SLC25A37: variants seen among roughly 807,000 people sequenced by gnomAD.
The protein encoded by SLC25A37 is solute carrier family 25 member 37.
In SLC25A37, 17 loss-of-function variants were observed where a neutral mutation model predicts 31.0. The observed-to-expected ratio is 0.55, with a 90% CI of 0.38 to 0.82. SLC25A37 has a LOEUF of 0.82. Among genes scored for constraint, SLC25A37 ranks in the 40% least tolerant of loss-of-function variants. SLC25A37 has a pLI of 0.00. For missense variants in SLC25A37, 404 were observed against 465.8 expected (o/e 0.87, Z 1.22); for synonymous variants, 222 against 193.0 (o/e 1.15, Z -1.24).
At chr8:23,538,914 C>A (rs1278788573) in intron 1 of SLC25A37, among the ~76,000 whole-genome samples, 1 of 152,132 alleles carries the variant, frequency 6.6e-6, no homozygotes, top group African/African-American at 2.4e-5. Flanking sequence ...CTTTGCTGGG[C>A]ACTCTGGAAT....
chr8:23,544,079 C>T (rs10866829), intron 1 of SLC25A37, among the ~76,000 whole-genome samples: 56,829 of 151,902 alleles, frequency 0.37, 12,294 homozygotes, highest in East Asian at 0.62. Flanking sequence ...AGGCTGGTCT[C>T]GAACTCCCAA....
At chr8:23,533,041 C>G (rs1211417600) in intron 1 of SLC25A37, among the ~76,000 whole-genome samples, 1 of 152,082 alleles carries the variant, frequency 6.6e-6, no homozygotes, top group Non-Finnish European at 1.5e-5. Flanking sequence ...CTCACATCCC[C>G]CTGCTCCCTT....
chr8:23,547,492 A>G (rs1802099828), intron 1 of SLC25A37, among the ~76,000 whole-genome samples: 2 of 152,344 alleles, frequency 1.3e-5, no homozygotes, highest in Middle Eastern at 3.4e-3. Flanking sequence ...TCAAGATTGA[A>G]CTAACACTAC....
chr8:23,569,436 C>G (rs1304873190), intron 3 of SLC25A37, among the ~76,000 whole-genome samples: 1 of 152,144 alleles, frequency 6.6e-6, no homozygotes, highest in African/African-American at 2.4e-5. Flanking sequence ...CACTCACTCT[C>G]TTAGCCCTTG....
intron 1 of SLC25A37, among the ~76,000 whole-genome samples, chr8:23,559,008 T>C (rs1802440495): frequency 6.6e-6 from 1 of 152,256 alleles, no homozygotes; most frequent in South Asian, 2.1e-4. Flanking sequence ...CACTTGCTGC[T>C]TCAAGGGCAT....
chr8:23,537,334 C>G (rs1801790961), intron 1 of SLC25A37, among the ~76,000 whole-genome samples: 1 of 152,062 alleles, frequency 6.6e-6, no homozygotes, highest in South Asian at 2.1e-4. Context: ...ACATATTTTA[C>G]TTATATTTAT....
intron 1 of SLC25A37, among the ~76,000 whole-genome samples, chr8:23,556,405 C>G (rs886364709): frequency 6.6e-6 from 1 of 151,774 alleles, no homozygotes; most frequent in Non-Finnish European, 1.5e-5. Context: ...AAATTACTTT[C>G]TGAAGAGATG....
chr8:23,542,916 T>C (rs1423205332), intron 1 of SLC25A37, among the ~76,000 whole-genome samples: 1 of 152,044 alleles, frequency 6.6e-6, no homozygotes, highest in Non-Finnish European at 1.5e-5. Context: ...GAAAAGCTTA[T>C]AGAATAAGGA....
chr8:23,549,523 C>T (rs904014960), intron 1 of SLC25A37, among the ~76,000 whole-genome samples: 9 of 152,314 alleles, frequency 5.9e-5, no homozygotes, highest in South Asian at 4.1e-4. Flanking sequence ...GGCTGAAAGT[C>T]GAGTCTTGCG....
chr8:23,546,630 A>G (rs1585182955), intron 1 of SLC25A37, among the ~76,000 whole-genome samples: 1 of 144,738 alleles, frequency 6.9e-6, no homozygotes, highest in East Asian at 2.1e-4. Context: ...GTATATATAT[A>G]TATATTTGGG....
chr8:23,552,541 T>C (rs1802254749), intron 1 of SLC25A37, among the ~76,000 whole-genome samples: 5 of 152,202 alleles, frequency 3.3e-5, no homozygotes, highest in Admixed American at 2.0e-4. Flanking sequence ...TGGCTTTTCC[T>C]GCTACCCCAG....
At position 23,528,978 on chromosome 8, in the gene SLC25A37, C is replaced by T. The variant is rs1467021181; in HGVS notation, c.-25C>T. On this transcript the variant is annotated 5_prime_UTR_variant, in exon 1 of 4. Transcript: ENST00000519973. ...CCCCTCCCTGCCCACCTCCTGCAGC[C>T]TCCTGCGCCCCGCCGAGCTGGCGGA... 3.4e-6 allele frequency: 5 copies of T among 1,471,068 alleles called. No individual in the cohort carries two copies. In the African/African-American group the frequency reaches 4.3e-5, roughly 13 times the overall value. 91.1% of individuals were successfully genotyped at this position (1,471,068 alleles called of 1,614,324 possible).
intron 1 of SLC25A37, among the ~76,000 whole-genome samples, chr8:23,548,156 T>C (rs1802118342): frequency 6.6e-6 from 1 of 152,164 alleles, no homozygotes; most frequent in African/African-American, 2.4e-5. Flanking sequence ...TCTCCTCTTA[T>C]ATTCACTTCA....
Position 23,571,842 on chromosome 8 carries a change from G to T in SLC25A37, c.1004G>T (p.Arg335Leu). The change falls in exon 4 of 4, where the codon CGA becomes CTA. Residue 335 changes from arginine to leucine, a missense_variant. Physicochemically the swap from Arg to Leu is moderately radical, Grantham distance 102 (BLOSUM62 -2). Transcript: ENST00000519973. ...CTCACCAAGCGCCAGCTGGAAAATC[G>T]AGCTCCATACTAAAGGAAGGGATCA... ...YFLTKRQLEN[R>L]APY 6.2e-7 allele frequency: 1 copy of T among 1,611,318 alleles called. No individual in the cohort carries two copies. Among genetic ancestry groups the T allele is most frequent in the Non-Finnish European group, 8.5e-7 (1 of 1,177,720 alleles).
chr8:23,529,781 C>T lies in SLC25A37; in HGVS notation c.210+569C>T, dbSNP rs372483383. 6.6e-6 allele frequency among the ~76,000 whole-genome samples: 1 copy of T among 152,156 alleles called. No homozygotes were observed. The highest frequency in any genetic ancestry group is 1.5e-5 in the Non-Finnish European group (1 of 68,028). ...CTCTCGACTAGTGGCAGCTCTTTACCGGTTCGACAGCGGCCCGTGGGATCC... is the reference window on the plus strand; with the variant it reads ...CTCTCGACTAGTGGCAGCTCTTTACTGGTTCGACAGCGGCCCGTGGGATCC... On this transcript the variant is annotated intron_variant, in intron 1 of 3. Transcript: ENST00000519973. This position sits in a 1 kb window ranked among gnomAD's most constrained non-coding sequence, Gnocchi z 4.1.
Position 23,571,358 on chromosome 8 carries a change from T to C in SLC25A37, c.520T>C (p.Tyr174His). The C allele has an allele frequency of 6.2e-7, 1 of 1,600,036 alleles. No individual in the cohort carries two copies. Among genetic ancestry groups the C allele is most frequent in the Non-Finnish European group, 8.5e-7 (1 of 1,172,724 alleles). ...AEVVKQRLQMYNSQHRSAISC... is the reference protein window; with the variant it reads ...AEVVKQRLQMHNSQHRSAISC... Reference sequence around the variant, plus strand: ...AGTGGTGAAGCAGCGCTTGCAGATGTACAACTCGCAGCACCGGTCAGCAAT... The same window carrying C: ...AGTGGTGAAGCAGCGCTTGCAGATGCACAACTCGCAGCACCGGTCAGCAAT... Residue 174 changes from tyrosine to histidine, a missense_variant, in exon 4 of 4, where the codon TAC (tyrosine) becomes CAC (histidine). Tyr to His is a moderately conservative substitution (Grantham distance 83). Transcript: ENST00000519973.
intron 3 of SLC25A37, 145 bp from the exon 4 acceptor site, chr8:23,571,190 G>A: frequency 1.0e-6 from 1 of 969,756 alleles, no homozygotes; most frequent in Non-Finnish European, 1.5e-6. Context: ...GACTAGGGCT[G>A]TGTGTGCTGG....
intron 1 of SLC25A37, among the ~76,000 whole-genome samples, chr8:23,540,752 TC>T (rs1336215051): frequency 2.6e-5 from 4 of 152,212 alleles, no homozygotes; most frequent in African/African-American, 9.7e-5. Context: ...ACATCATAGT[TC>T]CGTGGTCCAC....
intron 3 of SLC25A37, among the ~76,000 whole-genome samples, chr8:23,570,503 A>G (rs1454872627): frequency 6.6e-6 from 1 of 152,170 alleles, no homozygotes; most frequent in Admixed American, 6.5e-5. Context: ...TACATATTAT[A>G]TATCTTGGGC....
Sources: gnomAD v4.1 joint callset for allele counts (sites outside exome capture counted in the v4.1 genomes callset) on GRCh38, gnomAD v4.1.1 for gene constraint, Gnocchi (gnomAD v3.1) non-coding constraint, MANE v1.5 for transcripts, NCBI Gene and HGNC (gene_info 2026-07-23, HGNC 2026-07-21) for gene names.